The following SEC23A variants were observed in gnomAD, a reference collection of about 807,000 sequenced individuals.
SEC23A encodes the protein protein transport protein Sec23A.
In SEC23A, 56 loss-of-function variants were observed where a neutral mutation model predicts 103.7. The observed-to-expected ratio is 0.54, with a 90% CI of 0.44 to 0.67. SEC23A has a LOEUF of 0.67. SEC23A is among the 30% of genes least tolerant of loss of function. SEC23A has a pLI of 0.00. For missense variants in SEC23A, 784 were observed against 936.4 expected, an observed-to-expected ratio of 0.84 and a Z score of 2.12; for synonymous variants, 281 against 293.0, an observed-to-expected ratio of 0.96 and a Z score of 0.42.
At chr14:39,100,378 G>C (rs900637165) in intron 1 of SEC23A, among the ~76,000 whole-genome samples, 1 of 151,128 alleles carries the variant, frequency 6.6e-6, no homozygotes, top group African/African-American at 2.4e-5. Flanking sequence ...TCCGACAATG[G>C]CATATCTGAA....
intron 9 of SEC23A, 116 bp downstream of exon 9, chr14:39,074,299 T>G: frequency 1.3e-6 from 1 of 742,848 alleles, no homozygotes; most frequent in East Asian, 2.5e-5. Flanking sequence ...AACAGATGTG[T>G]TGCCTTGAAG....
Position 39,095,981 on chromosome 14 carries a change from T to C in SEC23A, c.138A>G (p.Lys46=), listed in dbSNP as rs947251354. The change falls in exon 2 of 20, where the codon AAA becomes AAG. Residue 46 remains lysine, a synonymous_variant. Coordinates refer to ENST00000307712, the MANE Select transcript of SEC23A (RefSeq NM_006364.4). ...VPVAALFTPL[K]ERPDLPPIQY... ...GAATAGGTGGTAAGTCAGGTCTCTC[T>C]TTCAGTGGTGTAAACAGGGCTGCCA... is the stretch of plus-strand genomic sequence containing the variant. 3.7e-6 allele frequency: 6 copies of C among 1,614,044 alleles called. No individual in the cohort carries two copies. In the Admixed American group the frequency reaches 5.0e-5, roughly 13 times the overall value.
chr14:39,056,254 C>G (rs963270464), intron 13 of SEC23A, among the ~76,000 whole-genome samples: 1 of 152,158 alleles, frequency 6.6e-6, no homozygotes, highest in African/African-American at 2.4e-5. Context: ...TGAGTGCACT[C>G]AATAAAATCC....
chr14:39,039,150 T>A, intron 18 of SEC23A, 54 bp from the exon 19 acceptor site: 1 of 1,373,692 alleles, frequency 7.3e-7, no homozygotes, highest in South Asian at 1.2e-5. Flanking sequence ...TCAGTCAATA[T>A]CAGCTGAATA....
intron 5 of SEC23A, chr14:39,088,421 ACC>A: frequency 6.6e-6 from 1 of 151,902 alleles, no homozygotes; most frequent in Non-Finnish European, 1.5e-5. Flanking sequence ...ACATGGTGAA[ACC>A]CCATGTCTAC....
intron 14 of SEC23A, among the ~76,000 whole-genome samples, chr14:39,050,871 G>A (rs959243045): frequency 7.2e-5 from 11 of 152,162 alleles, no homozygotes; most frequent in South Asian, 2.1e-4. Context: ...CAATGGATCC[G>A]AACAAGGGAC....
In SEC23A at chr14:39,039,012, A is replaced by T; in HGVS notation, c.2208+19T>A. On this transcript the variant is annotated intron_variant, in intron 19 of 19. Transcript: ENST00000307712. The stretch of plus-strand genomic sequence containing the variant: ...AATACACAAAGAAATAATTTCCAAG[A>T]CCTGCTATTTAAACTTACCTGCCCC... 6.3e-7 allele frequency: 1 copy of T among 1,584,622 alleles called. No individual in the cohort carries two copies. Among genetic ancestry groups the T allele is most frequent in the Non-Finnish European group, 8.7e-7 (1 of 1,153,296 alleles).
intron 17 of SEC23A, among the ~76,000 whole-genome samples, chr14:39,041,645 G>A (rs111754576): frequency 0.013 from 1,964 of 151,828 alleles, 35 homozygotes; most frequent in African/African-American, 0.042. Flanking sequence ...CAACACGGGC[G>A]GATCACCCGA....
chr14:39,034,889 C>T (rs1885410971), intron 19 of SEC23A, among the ~76,000 whole-genome samples: 1 of 152,078 alleles, frequency 6.6e-6, no homozygotes, highest in African/African-American at 2.4e-5. Flanking sequence ...TGCAGTGGTG[C>T]CCTCTTACGG....
At position 39,064,990 on chromosome 14, in the gene SEC23A, AG is replaced by A; in HGVS notation, c.1230del (p.Ser411GlnfsTer4). ...GCTCCTGAAATCTTTATTTCCCTTG[AG>A]GTCTGCAAAATAAGAATACAGCATG... ...MGFGGTLEIK[T>X]SREIKISGAI... On this transcript the variant is annotated frameshift_variant and splice_region_variant, in exon 11 of 20. Coordinates refer to ENST00000307712, the MANE Select transcript of SEC23A (RefSeq NM_006364.4). LOFTEE classifies it high-confidence loss of function. The A allele has an allele frequency of 6.2e-7, 1 of 1,608,044 alleles. No homozygotes were observed. The highest frequency in any genetic ancestry group is 8.5e-7 in the Non-Finnish European group (1 of 1,174,446).
At chr14:39,042,268 T>C (rs186591397) in intron 17 of SEC23A, among the ~76,000 whole-genome samples, 4 of 152,356 alleles carry the variant, frequency 2.6e-5, no homozygotes, top group Non-Finnish European at 5.9e-5. Context: ...CAGGAATGCA[T>C]CAAGGTCTGC....
At position 39,091,554 on chromosome 14, in the gene SEC23A, G is replaced by A. The variant is rs1887662990; in HGVS notation, c.526C>T (p.His176Tyr). 2 of 1,614,014 alleles carry A rather than the reference G, an allele frequency of 1.2e-6. No individual in the cohort carries two copies. The highest frequency in any genetic ancestry group is 1.7e-6 in the Non-Finnish European group (2 of 1,179,976). The change falls in exon 5 of 20, where the codon CAT becomes TAT. Residue 176 changes from histidine to tyrosine, a missense_variant. By Grantham distance (83) the His-to-Tyr change is moderately conservative. This residue lies in a region of SEC23A where 683 missense variants were observed against 774.2 expected (regional missense o/e 0.88). Transcript: ENST00000307712. The part of the protein sequence containing the change: ...LITFGRMVQV[H>Y]ELGCEGISKS... ...GAAATGCCTTCACATCCAAGTTCAT[G>A]AACCTGAACCATTCTCCCAAAAGTA... is the stretch of plus-strand genomic sequence containing the variant.
chr14:39,082,825 A>C (rs1887273531), intron 7 of SEC23A, among the ~76,000 whole-genome samples: 1 of 152,240 alleles, frequency 6.6e-6, no homozygotes, highest in Non-Finnish European at 1.5e-5. Context: ...GAATACTTCA[A>C]GACAAACTCA....
intron 14 of SEC23A, among the ~76,000 whole-genome samples, chr14:39,053,850 G>A (rs899813067): frequency 4.6e-5 from 7 of 152,220 alleles, no homozygotes; most frequent in African/African-American, 1.7e-4. Context: ...ACTGAGCTTA[G>A]CCAGGTGTGG....
chr14:39,085,782 T>C lies in SEC23A; in HGVS notation c.808A>G (p.Ile270Val), dbSNP rs1887422826. 4.3e-6 allele frequency: 7 copies of C among 1,613,424 alleles called. No homozygotes were observed. The highest frequency in any genetic ancestry group is 5.9e-6 in the Non-Finnish European group (7 of 1,179,900). Residue 270 changes from isoleucine to valine, a missense_variant, in exon 7 of 20, where the codon ATA becomes GTA. Transcript: ENST00000307712. ...CCTACCTCCAGCAGTCCTACAGCTA[T>C]GGAAAGTGCCACCCCAGAGGAACGC... ...PLRSSGVALS[I>V]AVGLLECTFP...
chr14:39,060,346 T>C lies in SEC23A; in HGVS notation c.1505+1419A>G, dbSNP rs548456544. Among the ~76,000 whole-genome samples, 10 of 152,264 alleles carry C rather than the reference T, an allele frequency of 6.6e-5. No homozygotes were observed. In the South Asian group the frequency reaches 1.9e-3, roughly 28 times the overall value. On this transcript the variant is annotated intron_variant, in intron 13 of 19. Transcript: ENST00000307712. ...CTGTGCTAAGTAATAGATCACCCAA[T>C]ACAGCTAATACTCAGTTCAAATGTT... is the stretch of plus-strand genomic sequence containing the variant.
At chr14:39,087,100 T>C (rs1274860285) in intron 5 of SEC23A, 92 bp from the exon 6 acceptor site, 12 of 793,320 alleles carry the variant, frequency 1.5e-5, no homozygotes, top group Middle Eastern at 2.4e-4. Flanking sequence ...TGCTAGACAT[T>C]AGAAACACAA....
intron 7 of SEC23A, among the ~76,000 whole-genome samples, chr14:39,082,239 C>CAT (rs201761030): frequency 2.1e-4 from 31 of 151,200 alleles, no homozygotes; most frequent in African/African-American, 3.6e-4. Context: ...TATGTATTTA[C>CAT]ATATATATAT....
At chr14:39,051,929 T>C (rs1886075211) in intron 14 of SEC23A, among the ~76,000 whole-genome samples, 1 of 150,584 alleles carries the variant, frequency 6.6e-6, no homozygotes. Context: ...ATCGTGCCAC[T>C]GCACTCCAGC....
Sources: allele counts gnomAD v4.1 joint callset (sites outside exome capture counted in the v4.1 genomes callset), GRCh38; gene constraint gnomAD v4.1.1; regional missense constraint gnomAD v4.1.1; transcripts MANE v1.5; gene names NCBI Gene and HGNC (gene_info 2026-07-23, HGNC 2026-07-21).